MMP26: variants seen among roughly 807,000 people sequenced by gnomAD.
MMP26 encodes the protein matrix metallopeptidase 26.
Under a neutral mutation model 31.0 loss-of-function variants are expected in MMP26, and 33 were observed. The observed-to-expected ratio is 1.06, with a 90% CI of 0.81 to 1.42. The LOEUF is 1.42. Among genes scored for constraint, MMP26 ranks in the 40% most tolerant of loss-of-function variants. The pLI, the probability that MMP26 is intolerant of heterozygous loss-of-function variation, is 0.00. For missense variants in MMP26, 347 were observed against 316.1 expected (o/e 1.10, Z -0.74); for synonymous variants, 122 against 114.9 (o/e 1.06, Z -0.40).
At chr11:4,849,529 C>T (rs1336154888) in intron 2 of MMP26, among the ~76,000 whole-genome samples, 2 of 151,950 alleles carry the variant, frequency 1.3e-5, no homozygotes, top group Non-Finnish European at 2.9e-5. Flanking sequence ...TATTTTTTCC[C>T]TCCCTTTATG....
At chr11:4,976,404 A>G (rs10768424) in intron 2 of MMP26, among the ~76,000 whole-genome samples, 79,986 of 151,782 alleles carry the variant, frequency 0.53, 21,995 homozygotes, top group South Asian at 0.68. Flanking sequence ...TAAATGGTAA[A>G]ATCATAACAG....
chr11:4,982,923 T>C (rs1846835532), intron 2 of MMP26, among the ~76,000 whole-genome samples: 1 of 152,162 alleles, frequency 6.6e-6, no homozygotes. Flanking sequence ...TACCTCCTCA[T>C]AGAAATCCAT....
At chr11:4,740,207 A>G (rs911024828) in intron 1 of MMP26, among the ~76,000 whole-genome samples, 1 of 152,216 alleles carries the variant, frequency 6.6e-6, no homozygotes, top group Non-Finnish European at 1.5e-5. Flanking sequence ...TTTTAGAAGA[A>G]CATTTTAACA....
chr11:4,896,662 T>G (rs989878588), intron 2 of MMP26, among the ~76,000 whole-genome samples: 2 of 152,228 alleles, frequency 1.3e-5, no homozygotes, highest in Non-Finnish European at 2.9e-5. Flanking sequence ...GCTTCTTTTT[T>G]CTTACAATCA....
chr11:4,852,278 C>G lies in MMP26; in HGVS notation c.-145+84937C>G, dbSNP rs529293169. Reference sequence around the variant, plus strand: ...GTTGAAGATTTTAATATCCCAAACTCAATAATTGATAAAACAATTGAAAAA... The same window carrying G: ...GTTGAAGATTTTAATATCCCAAACTGAATAATTGATAAAACAATTGAAAAA... On this transcript the variant is annotated intron_variant, in intron 2 of 7. Transcript: ENST00000380390. Among the ~76,000 whole-genome samples the G allele has an allele frequency of 1.8e-4, 27 of 151,866 alleles. 1 individual carries two copies. In the South Asian group the frequency reaches 5.6e-3, roughly 32 times the overall value.
intron 2 of MMP26, among the ~76,000 whole-genome samples, chr11:4,808,462 G>T (rs572596737): frequency 5.9e-5 from 9 of 152,120 alleles, no homozygotes; most frequent in African/African-American, 1.7e-4. Context: ...TGGCCTCCTG[G>T]TACTCTGGGT....
At chr11:4,936,951 G>A (rs373928244) in intron 2 of MMP26, among the ~76,000 whole-genome samples, 88 of 152,204 alleles carry the variant, frequency 5.8e-4, no homozygotes, top group Non-Finnish European at 9.8e-4. Context: ...CAAACATTGC[G>A]TCATCAACAA....
Position 4,772,898 on chromosome 11 carries a change from C to G in MMP26, c.-145+5557C>G, listed in dbSNP as rs541776614. ...TTCTTTGATTTCTACTCTGCTATTA[C>G]TCCTGTGCATTCCTGTTCAAGTAAT... is the stretch of plus-strand genomic sequence containing the variant. On this transcript the variant is annotated intron_variant, in intron 2 of 7. Coordinates refer to ENST00000380390, the MANE Select transcript of MMP26 (RefSeq NM_021801.5). Among the ~76,000 whole-genome samples, 9 of 152,276 alleles carry G rather than the reference C, an allele frequency of 5.9e-5. 1 individual carries two copies. In the South Asian group the frequency reaches 1.9e-3, roughly 32 times the overall value.
At chr11:4,964,418 T>C (rs1206703542) in intron 2 of MMP26, among the ~76,000 whole-genome samples, 6 of 152,120 alleles carry the variant, frequency 3.9e-5, no homozygotes, top group Non-Finnish European at 2.9e-5. Flanking sequence ...GATCAGATGG[T>C]TGTAGGTATA....
intron 2 of MMP26, among the ~76,000 whole-genome samples, chr11:4,954,121 C>G (rs1239569761): frequency 8.0e-6 from 1 of 125,740 alleles, no homozygotes; most frequent in Non-Finnish European, 1.8e-5. Flanking sequence ...AAAAGAGGCA[C>G]TCATATATTC....
At chr11:4,986,954 T>C (rs1229928752) in intron 2 of MMP26, among the ~76,000 whole-genome samples, 2 of 143,140 alleles carry the variant, frequency 1.4e-5, no homozygotes, top group Admixed American at 7.0e-5. Flanking sequence ...TCTCTCTCTC[T>C]CTCTCCCTCT....
intron 2 of MMP26, among the ~76,000 whole-genome samples, chr11:4,831,907 C>T (rs1250889980): frequency 2.0e-5 from 3 of 152,256 alleles, no homozygotes; most frequent in Middle Eastern, 3.4e-3. Context: ...AAAAATAACA[C>T]ACAGGTTTTA....
intron 2 of MMP26, chr11:4,890,110 GT>G (rs1386131225): frequency 6.6e-6 from 1 of 152,070 alleles, no homozygotes; most frequent in East Asian, 1.9e-4. Flanking sequence ...TGAGTTTAGT[GT>G]TGTTTCTCTT....
intron 2 of MMP26, among the ~76,000 whole-genome samples, chr11:4,961,296 A>C (rs1340644763): frequency 6.6e-6 from 1 of 152,190 alleles, no homozygotes; most frequent in Non-Finnish European, 1.5e-5. Flanking sequence ...AGTCTGTCCT[A>C]GCTTTCAGTA....
rs78250707 is a variant in MMP26, at chr11:4,983,334, A to G, written c.-144-4734A>G. 5.7e-3 allele frequency among the ~76,000 whole-genome samples: 863 copies of G among 152,248 alleles called. 9 individuals carry two copies. The highest frequency in any genetic ancestry group is 0.02 in the African/African-American group (821 of 41,544). On this transcript the variant is annotated intron_variant, in intron 2 of 7. Transcript: ENST00000380390. ...GCTCAAACTATGGTATTGCGGTGAA[A>G]GCATTTGTTCTCTGTCAAAATGAAT...
At chr11:4,876,467 A>G (rs1374495798) in intron 2 of MMP26, 1 of 152,182 alleles carries the variant, frequency 6.6e-6, no homozygotes, top group Non-Finnish European at 1.5e-5. Context: ...TACAGCTACC[A>G]TCTCAATACT....
chr11:4,974,548 A>C (rs1334647844), intron 2 of MMP26, among the ~76,000 whole-genome samples: 1 of 151,824 alleles, frequency 6.6e-6, no homozygotes, highest in Admixed American at 6.6e-5. Context: ...ATCCTCTATT[A>C]TTTTCTGTTT....
chr11:4,971,493 T>C lies in MMP26; in HGVS notation c.-144-16575T>C, dbSNP rs145684513. ...TTTATTAACAGAGAGTAACGTGATATGTATAGGAGCTTGTTGTAGGGAGAG... is the reference window on the plus strand; with the variant it reads ...TTTATTAACAGAGAGTAACGTGATACGTATAGGAGCTTGTTGTAGGGAGAG... On this transcript the variant is annotated intron_variant, in intron 2 of 7. Transcript: ENST00000380390. 3.9e-5 allele frequency among the ~76,000 whole-genome samples: 6 copies of C among 152,280 alleles called. No individual in the cohort carries two copies. The East Asian group carries it at 1.2e-3, about 29-fold the overall frequency.
intron 2 of MMP26, chr11:4,832,865 T>C (rs1044539873): frequency 6.2e-5 from 12 of 194,562 alleles, no homozygotes; most frequent in Non-Finnish European, 1.3e-4. Flanking sequence ...GTGTGTCTCA[T>C]ATCTGTGCTG....
Sources: gnomAD v4.1 joint callset for allele counts (sites outside exome capture counted in the v4.1 genomes callset) on GRCh38, gnomAD v4.1.1 for gene constraint, MANE v1.5 for transcripts, NCBI Gene and HGNC (gene_info 2026-07-23, HGNC 2026-07-21) for gene names.